The following MYCBP variants were observed in gnomAD, a reference collection of about 807,000 sequenced individuals.
The protein encoded by MYCBP is C-Myc-binding protein.
A neutral mutation model predicts 16.8 loss-of-function variants in MYCBP; 5 were observed. The ratio of observed to expected loss-of-function variants is 0.30; its 90% CI spans 0.16 to 0.63. The LOEUF is 0.63. Ranked by LOEUF, MYCBP falls within the 20% of genes least tolerant of loss-of-function variation. MYCBP has a pLI of 0.83. For missense variants in MYCBP, 103 were observed against 121.8 expected (o/e 0.85, Z 0.73); for synonymous variants, 35 against 43.7 (o/e 0.80, Z 0.79).
chr1:38,864,625 G>C lies in MYCBP; in HGVS notation c.*45C>G. The C allele has an allele frequency of 6.3e-7, 1 of 1,589,802 alleles. No homozygotes were observed. The highest frequency in any genetic ancestry group is 2.2e-5 in the East Asian group (1 of 44,690). On this transcript the variant is annotated 3_prime_UTR_variant, in exon 5 of 5. Transcript: ENST00000397572. ...ATTATATACTATACAAACTATTCAA[G>C]TCATACAAAACCATTTTTCATTGTC...
intron 2 of MYCBP, among the ~76,000 whole-genome samples, chr1:38,871,173 G>A (rs1642457112): frequency 6.6e-6 from 1 of 152,124 alleles, no homozygotes; most frequent in Non-Finnish European, 1.5e-5. Flanking sequence ...CCCGGAGGTG[G>A]AGGTTGCAGT....
chr1:38,868,523 T>C (rs1642385274), intron 2 of MYCBP, among the ~76,000 whole-genome samples: 1 of 152,208 alleles, frequency 6.6e-6, no homozygotes, highest in Admixed American at 6.5e-5. Flanking sequence ...AATTTACTAC[T>C]TAGATAAAAA....
At chr1:38,867,981 T>C (rs910651754) in intron 2 of MYCBP, among the ~76,000 whole-genome samples, 2 of 152,106 alleles carry the variant, frequency 1.3e-5, no homozygotes, top group East Asian at 1.9e-4. Flanking sequence ...AAGAAAACAA[T>C]GTATTGAGGA....
At chr1:38,869,125 G>C (rs1467976650) in intron 2 of MYCBP, among the ~76,000 whole-genome samples, 1 of 119,270 alleles carries the variant, frequency 8.4e-6, no homozygotes, top group Admixed American at 9.3e-5. Flanking sequence ...TTTTGCTCTT[G>C]TTGCCCAGGC....
At chr1:38,867,471 T>G in intron 3 of MYCBP, 91 bp downstream of exon 3, 1 of 1,084,510 alleles carries the variant, frequency 9.2e-7, no homozygotes, top group Non-Finnish European at 1.3e-6. Flanking sequence ...AAAAGTAACT[T>G]TCTCAATATT....
chr1:38,871,199 C>T (rs1255632430), intron 2 of MYCBP, among the ~76,000 whole-genome samples: 5 of 152,144 alleles, frequency 3.3e-5, no homozygotes, highest in East Asian at 1.9e-4. Flanking sequence ...GAGATCATGC[C>T]GCTGCACTCC....
chr1:38,871,397 T>C (rs541328972), intron 2 of MYCBP, among the ~76,000 whole-genome samples: 2 of 150,458 alleles, frequency 1.3e-5, no homozygotes, highest in African/African-American at 2.4e-5. Context: ...CATCACCCTA[T>C]ATAAAATGAC....
At position 38,863,308 on chromosome 1, in the gene MYCBP, C is replaced by T. The variant is rs992309209; in HGVS notation, c.*1362G>A. ...GGCTTTTGCTAGTTAAACCAGTTTT[C>T]ATTGGATCATTTTGTTTTCTATGTG... On this transcript the variant is annotated 3_prime_UTR_variant, in exon 5 of 5. Transcript: ENST00000397572. 3 of 152,172 alleles carry T rather than the reference C, an allele frequency of 2.0e-5. No individual in the cohort carries two copies. Among genetic ancestry groups the T allele is most frequent in the African/African-American group, 7.2e-5 (3 of 41,438 alleles). The allele number at this position is 152,172 out of a possible 1,614,324, so 9.4% of individuals were successfully genotyped here.
intron 4 of MYCBP, among the ~76,000 whole-genome samples, chr1:38,865,405 A>ACTC (rs1642314700): frequency 6.6e-6 from 1 of 152,246 alleles, no homozygotes; most frequent in African/African-American, 2.4e-5. Flanking sequence ...AGAAATACTT[A>ACTC]GAGTAATGTA....
intron 1 of MYCBP, 27 bp from the exon 2 acceptor site, chr1:38,873,117 C>T: frequency 6.4e-7 from 1 of 1,555,174 alleles, no homozygotes; most frequent in Non-Finnish European, 8.7e-7. Flanking sequence ...GGTCAGTGGC[C>T]AGAGCCCGGG....
chr1:38,867,464 A>T, intron 3 of MYCBP, 98 bp downstream of exon 3: 1 of 1,015,862 alleles, frequency 9.8e-7, no homozygotes, highest in Non-Finnish European at 1.4e-6. Flanking sequence ...AAAAAAAAAA[A>T]GTAACTTTCT....
At position 38,864,542 on chromosome 1, in the gene MYCBP, G is replaced by C; in HGVS notation, c.*128C>G. 2.1e-6 allele frequency: 2 copies of C among 938,174 alleles called. No individual in the cohort carries two copies. The highest frequency in any genetic ancestry group is 3.4e-6 in the Non-Finnish European group (2 of 596,172). The allele number at this position is 938,174 out of a possible 1,614,324, so 58.1% of individuals were successfully genotyped here. A position where few individuals can be genotyped will look rare whatever the true frequency, so the allele number is the denominator to read the frequency against. On this transcript the variant is annotated 3_prime_UTR_variant, in exon 5 of 5. Coordinates refer to ENST00000397572, the MANE Select transcript of MYCBP (RefSeq NM_012333.5). ...TTGATGATTCTATGTGTTTTTAACAGAGTGTGATAGGTGAATTAAACATAT... is the reference window on the plus strand; with the variant it reads ...TTGATGATTCTATGTGTTTTTAACACAGTGTGATAGGTGAATTAAACATAT...
chr1:38,872,268 T>C (rs558746663), intron 2 of MYCBP, among the ~76,000 whole-genome samples: 29 of 152,316 alleles, frequency 1.9e-4, no homozygotes, highest in Admixed American at 1.8e-3. Flanking sequence ...GAGTGACACA[T>C]AGCAGGCATT....
chr1:38,873,237 G>C, intron 1 of MYCBP, 54 bp downstream of exon 1: 1 of 1,592,592 alleles, frequency 6.3e-7, no homozygotes, highest in Non-Finnish European at 8.5e-7. Context: ...ACCCAGAGCC[G>C]ACCAGCGGCT....
rs1642297403 is a variant in MYCBP, at chr1:38,864,517, TTGA to T, written c.*150_*152del. ...CAAAGAAAGTTATATTGAGTTTTTATTGATGATTCTATGTGTTTTTAACAGAGT... is the reference window on the plus strand; with the variant it reads ...CAAAGAAAGTTATATTGAGTTTTTATTGATTCTATGTGTTTTTAACAGAGT... On this transcript the variant is annotated 3_prime_UTR_variant, in exon 5 of 5. Coordinates refer to ENST00000397572, the MANE Select transcript of MYCBP (RefSeq NM_012333.5). The T allele has an allele frequency of 2.6e-6, 2 of 782,656 alleles. No homozygotes were observed. The highest frequency in any genetic ancestry group is 4.2e-6 in the Non-Finnish European group (2 of 480,060). The allele number at this position is 782,656 out of a possible 1,614,324, so 48.5% of individuals were successfully genotyped here.
chr1:38,866,098 G>T (rs1170881891), intron 4 of MYCBP, among the ~76,000 whole-genome samples: 1 of 108,890 alleles, frequency 9.2e-6, no homozygotes, highest in Non-Finnish European at 1.7e-5. Flanking sequence ...GCCCAGGCTG[G>T]AGTGCAGTGG....
chr1:38,862,854 T>C lies in MYCBP; in HGVS notation c.*1816A>G, dbSNP rs1172664733. The C allele has an allele frequency of 6.6e-6, 1 of 152,182 alleles. No individual in the cohort carries two copies. The highest frequency in any genetic ancestry group is 1.5e-5 in the Non-Finnish European group (1 of 68,026). The allele number at this position is 152,182 out of a possible 1,614,324, so 9.4% of individuals were successfully genotyped here. A position where few individuals can be genotyped will look rare whatever the true frequency, so the allele number is the denominator to read the frequency against. ...GTCACCTGGCTTACTGACATAAATA[T>C]TAATACTAATCAAATGAGTAAAAAG... On this transcript the variant is annotated 3_prime_UTR_variant, in exon 5 of 5. Transcript: ENST00000397572.
intron 3 of MYCBP, among the ~76,000 whole-genome samples, chr1:38,867,305 G>A (rs1479437840): frequency 6.6e-6 from 1 of 152,096 alleles, no homozygotes; most frequent in Non-Finnish European, 1.5e-5. Flanking sequence ...AATTAGCTGG[G>A]TGTGATGGTG....
rs1642303986 is a variant in MYCBP at position 38,864,803 on chromosome 1, A to C, written c.268-89T>G. The C allele has an allele frequency of 1.3e-5, 15 of 1,136,644 alleles. No homozygotes were observed. In the Admixed American group the frequency reaches 2.8e-4, roughly 21 times the overall value. 70.4% of individuals were successfully genotyped at this position (1,136,644 alleles called of 1,614,324 possible). ...ACAAGGTAACTGTTATATTCAACTT[A>C]GTTACTGTCAGTAAATTGTATTAAT... On this transcript the variant is annotated intron_variant, in intron 4 of 4. Transcript: ENST00000397572.
Sources: gnomAD v4.1 joint callset for allele counts (sites outside exome capture counted in the v4.1 genomes callset) on GRCh38, gnomAD v4.1.1 for gene constraint, MANE v1.5 for transcripts, NCBI Gene and HGNC (gene_info 2026-07-23, HGNC 2026-07-21) for gene names.